The following DGKB variants were observed in gnomAD, a reference collection of about 807,000 sequenced individuals.
The protein encoded by DGKB is diacylglycerol kinase beta, also known as 90 kDa diacylglycerol kinase.
DGKB carries 67 observed loss-of-function variants against 114.3 expected under a neutral mutation model. The ratio of observed to expected loss-of-function variants is 0.59; its 90% confidence interval spans 0.48 to 0.72. The LOEUF (loss-of-function observed/expected upper bound fraction) is 0.72, where lower values mean the gene tolerates loss of function less well. Among genes scored for constraint, DGKB ranks in the 30% least tolerant of loss-of-function variants. The pLI is 0.00. For synonymous variants in DGKB, 398 were observed against 323.1 expected (o/e 1.23, Z -2.49); for missense variants, 907 against 975.2 (o/e 0.93, Z 0.93).
chr7:14,712,590 G>A (rs1827548637), intron 6 of DGKB, among the ~76,000 whole-genome samples: 1 of 152,032 alleles, frequency 6.6e-6, no homozygotes, highest in Non-Finnish European at 1.5e-5. Context: ...AGAATCACTT[G>A]AACCCAGGAG....
intron 23 of DGKB, among the ~76,000 whole-genome samples, chr7:14,328,084 G>C (rs554105274): frequency 1.3e-5 from 2 of 152,014 alleles, no homozygotes; most frequent in African/African-American, 4.8e-5. Context: ...AAAATGGAAT[G>C]TTCTATGATA....
rs548077717 is a variant in DGKB at position 14,544,549 on chromosome 7, A to G, written c.1770+29663T>C. ...CTCATTTTTGTATATAAAAATGTCA[A>G]TGACATCTCCTTTTATTCTCACAGG... On this transcript the variant is annotated intron_variant, in intron 20 of 25. Transcript: ENST00000402815. Among the ~76,000 whole-genome samples, 634 of 152,310 alleles carry G rather than the reference A, an allele frequency of 4.2e-3. 16 individuals are homozygous for G. The South Asian group carries it at 0.062, about 15-fold the overall frequency.
In DGKB at chr7:14,148,882, G is replaced by A; in HGVS notation, c.*249C>T. On this transcript the variant is annotated 3_prime_UTR_variant, in exon 26 of 26. Transcript: ENST00000402815. Reference sequence around the variant, plus strand: ...GGGAGATGTAAAAATCTATGGGAATGCATGCACCAAAAATATGCAGTATCA... The same window carrying A: ...GGGAGATGTAAAAATCTATGGGAATACATGCACCAAAAATATGCAGTATCA... 2.0e-6 allele frequency: 1 copy of A among 494,032 alleles called. No individual in the cohort carries two copies. Among genetic ancestry groups the A allele is most frequent in the South Asian group, 2.5e-5 (1 of 40,546 alleles). 30.6% of individuals were successfully genotyped at this position (494,032 alleles called of 1,614,324 possible).
chr7:14,960,803 T>C (rs964425548), intron 1 of DGKB, among the ~76,000 whole-genome samples: 5 of 152,094 alleles, frequency 3.3e-5, no homozygotes, highest in African/African-American at 1.2e-4. Flanking sequence ...CTTTGTACTG[T>C]GAATACATTT....
At chr7:14,653,339 G>A (rs1179479281) in intron 13 of DGKB, among the ~76,000 whole-genome samples, 3 of 152,040 alleles carry the variant, frequency 2.0e-5, no homozygotes, top group Non-Finnish European at 4.4e-5. Context: ...AAAATGATGA[G>A]TTCACGTCCT....
At chr7:14,439,602 G>A (rs1829770293) in intron 21 of DGKB, among the ~76,000 whole-genome samples, 1 of 152,028 alleles carries the variant, frequency 6.6e-6, no homozygotes, top group South Asian at 2.1e-4. Flanking sequence ...AGTGGCTCAT[G>A]CCTGTAATTC....
chr7:14,498,093 T>C (rs1785567562), intron 20 of DGKB, among the ~76,000 whole-genome samples: 1 of 151,920 alleles, frequency 6.6e-6, no homozygotes, highest in South Asian at 2.1e-4. Context: ...GAGTTTTAAG[T>C]ATAGAAATAT....
At chr7:14,950,145 G>C (rs1379421432) in intron 1 of DGKB, among the ~76,000 whole-genome samples, 2 of 151,712 alleles carry the variant, frequency 1.3e-5, no homozygotes, top group African/African-American at 2.4e-5. Flanking sequence ...CCAAGACAAA[G>C]AGAAAATCCA....
At chr7:14,744,502 T>G (rs1361041817) in intron 4 of DGKB, among the ~76,000 whole-genome samples, 1 of 152,126 alleles carries the variant, frequency 6.6e-6, no homozygotes, top group Non-Finnish European at 1.5e-5. Flanking sequence ...GAACTCTATA[T>G]TCTAGGAACC....
chr7:14,541,220 T>A (rs893863620), intron 20 of DGKB, among the ~76,000 whole-genome samples: 13 of 152,118 alleles, frequency 8.5e-5, no homozygotes, highest in African/African-American at 3.1e-4. Context: ...GCAGCTGTAG[T>A]ATTATGGTTA....
intron 23 of DGKB, among the ~76,000 whole-genome samples, chr7:14,184,313 G>A (rs759057603): frequency 8.4e-4 from 128 of 152,166 alleles, no homozygotes; most frequent in Non-Finnish European, 1.4e-3. Context: ...AGGAGAGGGC[G>A]CAAATCTGGT....
At chr7:14,393,146 T>C (rs949724031) in intron 21 of DGKB, among the ~76,000 whole-genome samples, 8 of 151,848 alleles carry the variant, frequency 5.3e-5, no homozygotes, top group East Asian at 1.9e-4. Context: ...CCCGCCACCT[T>C]GCCAGGCTAA....
chr7:14,885,375 T>A (rs1309166131), intron 1 of DGKB, among the ~76,000 whole-genome samples: 2 of 151,854 alleles, frequency 1.3e-5, no homozygotes, highest in East Asian at 3.9e-4. Flanking sequence ...AAAGGTGGAA[T>A]AACAGAACCT....
At chr7:14,933,308 G>T (rs2128251681) in intron 1 of DGKB, among the ~76,000 whole-genome samples, 1 of 152,182 alleles carries the variant, frequency 6.6e-6, no homozygotes, top group East Asian at 1.9e-4. Flanking sequence ...TATCGCTGGT[G>T]GACATGTCCT....
intron 20 of DGKB, among the ~76,000 whole-genome samples, chr7:14,527,787 T>C (rs1790882107): frequency 6.6e-6 from 1 of 152,072 alleles, no homozygotes; most frequent in Non-Finnish European, 1.5e-5. Flanking sequence ...GAAAATAGAA[T>C]CACAGAAAAA....
At chr7:14,271,138 G>A (rs1001432010) in intron 23 of DGKB, among the ~76,000 whole-genome samples, 1 of 152,090 alleles carries the variant, frequency 6.6e-6, no homozygotes, top group African/African-American at 2.4e-5. Context: ...AAACTGACTT[G>A]AATCACATAT....
intron 21 of DGKB, among the ~76,000 whole-genome samples, chr7:14,414,454 T>C (rs1010039197): frequency 2.6e-4 from 40 of 152,154 alleles, no homozygotes; most frequent in African/African-American, 8.7e-4. Context: ...AGCCCTTCCC[T>C]AGAAGCCAGG....
intron 21 of DGKB, among the ~76,000 whole-genome samples, chr7:14,369,352 G>A (rs1817238434): frequency 6.6e-6 from 1 of 152,076 alleles, no homozygotes; most frequent in African/African-American, 2.4e-5. Flanking sequence ...TCAAGTCTTT[G>A]CTATTGTGAA....
intron 21 of DGKB, among the ~76,000 whole-genome samples, chr7:14,432,424 A>C (rs1936916107): frequency 6.6e-6 from 1 of 152,094 alleles, no homozygotes; most frequent in Non-Finnish European, 1.5e-5. Context: ...ACTTTTCCAC[A>C]TGTCTTTATT....
Sources: gnomAD v4.1 joint callset for allele counts (sites outside exome capture counted in the v4.1 genomes callset) on GRCh38, gnomAD v4.1.1 for gene constraint, MANE v1.5 for transcripts, NCBI Gene and HGNC (gene_info 2026-07-23, HGNC 2026-07-21) for gene names.